IMMP2L: variants seen among roughly 807,000 people sequenced by gnomAD.
IMMP2L encodes mitochondrial inner membrane protease subunit 2.
Under a neutral mutation model 19.3 loss-of-function variants are expected in IMMP2L, and 18 were observed. The ratio of observed to expected loss-of-function variants is 0.93; its 90% CI spans 0.64 to 1.38. The LOEUF (loss-of-function observed/expected upper bound fraction) is 1.38, where lower values mean the gene tolerates loss of function less well. Among genes scored for constraint, IMMP2L ranks in the 40% most tolerant of loss-of-function variants. The probability of loss-of-function intolerance (pLI) is 0.00; values close to 1 mark genes in which losing one functional copy is unlikely to be tolerated. For synonymous variants in IMMP2L, 76 were observed against 73.0 expected (o/e 1.04, Z -0.21); for missense variants, 233 against 218.2 (o/e 1.07, Z -0.43).
Position 111,045,067 on chromosome 7 carries a change from G to A in IMMP2L, c.240-81502C>T, listed in dbSNP as rs188761200. Among the ~76,000 whole-genome samples the A allele has an allele frequency of 1.8e-3, 274 of 152,264 alleles. 1 individual carries two copies. Among genetic ancestry groups the A allele is most frequent in the African/African-American group, 5.4e-3 (225 of 41,558 alleles). ...TATAAATTCCAGTCAATATAGCCCT[G>A]CTAGGCAAAACTGCTAAAAGCACTC... is the stretch of plus-strand genomic sequence containing the variant. On this transcript the variant is annotated intron_variant, in intron 3 of 5. Transcript: ENST00000405709.
chr7:110,737,575 T>C (rs538876122), intron 5 of IMMP2L, among the ~76,000 whole-genome samples: 99 of 152,334 alleles, frequency 6.5e-4, no homozygotes, highest in Non-Finnish European at 1.2e-3. Context: ...CCTGGTGGTC[T>C]TTCTCTACCT....
intron 3 of IMMP2L, among the ~76,000 whole-genome samples, chr7:111,038,506 A>G (rs1791569324): frequency 6.6e-6 from 1 of 152,164 alleles, no homozygotes; most frequent in Non-Finnish European, 1.5e-5. Flanking sequence ...ACTAAAATCA[A>G]CTATGATCCT....
chr7:111,553,738 A>G (rs903307233), intron 1 of IMMP2L, among the ~76,000 whole-genome samples: 2 of 152,216 alleles, frequency 1.3e-5, no homozygotes, highest in African/African-American at 4.8e-5. Context: ...GTAGTAAAAT[A>G]TATCATCAAA....
chr7:111,064,044 C>A (rs1455657340), intron 3 of IMMP2L, among the ~76,000 whole-genome samples: 1 of 152,144 alleles, frequency 6.6e-6, no homozygotes, highest in Non-Finnish European at 1.5e-5. Flanking sequence ...CTGTATTCAT[C>A]AGTTTCCATG....
chr7:110,981,999 G>A (rs1821353689), intron 3 of IMMP2L, among the ~76,000 whole-genome samples: 1 of 152,164 alleles, frequency 6.6e-6, no homozygotes, highest in South Asian at 2.1e-4. Flanking sequence ...ATACAAAACT[G>A]ATAGTAGGGC....
At chr7:111,521,092 A>G (rs569489740) in intron 2 of IMMP2L, among the ~76,000 whole-genome samples, 1 of 152,230 alleles carries the variant, frequency 6.6e-6, no homozygotes, top group Non-Finnish European at 1.5e-5. Context: ...TAAACTACAG[A>G]CCCAGAGAAC....
At chr7:111,162,686 A>T (rs1013599461) in intron 3 of IMMP2L, among the ~76,000 whole-genome samples, 3 of 151,868 alleles carry the variant, frequency 2.0e-5, no homozygotes, top group African/African-American at 7.3e-5. Context: ...TTGTTAGATA[A>T]AATTTCCAGC....
chr7:110,669,664 A>T (rs1347835021), intron 5 of IMMP2L, among the ~76,000 whole-genome samples: 1 of 152,204 alleles, frequency 6.6e-6, no homozygotes, highest in East Asian at 1.9e-4. Flanking sequence ...TTCTTAAAAT[A>T]AGCCATGGGG....
intron 3 of IMMP2L, among the ~76,000 whole-genome samples, chr7:111,031,114 C>A (rs1790765635): frequency 1.3e-5 from 2 of 151,652 alleles, no homozygotes; most frequent in African/African-American, 2.4e-5. Context: ...CAGATAATTA[C>A]ATATAGTAAT....
chr7:111,503,431 A>G (rs930916879), intron 2 of IMMP2L, among the ~76,000 whole-genome samples: 10 of 152,266 alleles, frequency 6.6e-5, no homozygotes, highest in Admixed American at 2.0e-4. Flanking sequence ...AACTATTCCA[A>G]TCAATAGAAA....
chr7:111,166,415 A>G (rs1805821101), intron 3 of IMMP2L, among the ~76,000 whole-genome samples: 1 of 151,966 alleles, frequency 6.6e-6, no homozygotes, highest in Non-Finnish European at 1.5e-5. Flanking sequence ...ACTCTCTCCT[A>G]TCCTTTTAAA....
At chr7:111,142,000 A>G (rs1586540981) in intron 3 of IMMP2L, among the ~76,000 whole-genome samples, 1 of 152,262 alleles carries the variant, frequency 6.6e-6, no homozygotes, top group East Asian at 1.9e-4. Context: ...CACTGTGCCT[A>G]AAGATCAGTA....
chr7:111,338,762 C>A lies in IMMP2L; in HGVS notation c.239+148476G>T, dbSNP rs550882090. On this transcript the variant is annotated intron_variant, in intron 3 of 5. Transcript: ENST00000405709. Reference sequence around the variant, plus strand: ...AGAAATCTAGGTTTGTAATTTTTATCCATTAATGAGAAAGAACTAGCAATA... The same window carrying A: ...AGAAATCTAGGTTTGTAATTTTTATACATTAATGAGAAAGAACTAGCAATA... Among the ~76,000 whole-genome samples, 16 of 152,134 alleles carry A rather than the reference C, an allele frequency of 1.1e-4. No individual in the cohort carries two copies. In the South Asian group the frequency reaches 3.3e-3, roughly 32 times the overall value.
At chr7:110,823,343 T>A (rs1660327596) in intron 5 of IMMP2L, among the ~76,000 whole-genome samples, 1 of 152,068 alleles carries the variant, frequency 6.6e-6, no homozygotes, top group African/African-American at 2.4e-5. Flanking sequence ...GACACAAGTT[T>A]GTCTGTATAT....
chr7:111,397,877 T>G (rs1833030665), intron 3 of IMMP2L, among the ~76,000 whole-genome samples: 1 of 150,722 alleles, frequency 6.6e-6, no homozygotes, highest in Admixed American at 6.6e-5. Context: ...CATAATCAAA[T>G]TTGTTAAACT....
At chr7:111,531,699 T>C (rs1217456166) in intron 1 of IMMP2L, among the ~76,000 whole-genome samples, 2 of 152,176 alleles carry the variant, frequency 1.3e-5, no homozygotes, top group African/African-American at 4.8e-5. Context: ...ATAACTGCTA[T>C]CATTAAGTAG....
chr7:110,900,321 C>T (rs568007014), intron 4 of IMMP2L, among the ~76,000 whole-genome samples: 2 of 152,150 alleles, frequency 1.3e-5, no homozygotes, highest in African/African-American at 2.4e-5. Context: ...CTTCATGAAA[C>T]TTTAAAGCCA....
intron 3 of IMMP2L, among the ~76,000 whole-genome samples, chr7:111,465,528 A>G (rs1029624445): frequency 6.7e-6 from 1 of 149,626 alleles, no homozygotes; most frequent in African/African-American, 2.5e-5. Flanking sequence ...AAAAAAAATT[A>G]AAAATTAAAA....
chr7:111,206,631 T>C (rs1810738273), intron 3 of IMMP2L, among the ~76,000 whole-genome samples: 1 of 152,176 alleles, frequency 6.6e-6, no homozygotes, highest in Non-Finnish European at 1.5e-5. Context: ...CTCAAGCATT[T>C]ATCATTTATG....
Sources: gnomAD v4.1 joint callset for allele counts (sites outside exome capture counted in the v4.1 genomes callset) on GRCh38, gnomAD v4.1.1 for gene constraint, MANE v1.5 for transcripts, NCBI Gene and HGNC (gene_info 2026-07-23, HGNC 2026-07-21) for gene names.